The following TMPRSS9 variants were observed in gnomAD, a reference collection of about 807,000 sequenced individuals.
TMPRSS9 encodes transmembrane protease serine 9.
A neutral mutation model predicts 111.4 loss-of-function variants in TMPRSS9; 113 were observed. That is an observed-to-expected ratio of 1.01 (90% CI 0.87 to 1.19). The LOEUF is 1.19. TMPRSS9 is among the 50% of genes most tolerant of loss of function. TMPRSS9 has a pLI of 0.00. For missense variants in TMPRSS9, 1,803 were observed against 1,513.1 expected, an observed-to-expected ratio of 1.19 and a Z score of -3.18; for synonymous variants, 805 against 659.1, an observed-to-expected ratio of 1.22 and a Z score of -3.39.
intron 1 of TMPRSS9, among the ~76,000 whole-genome samples, chr19:2,363,597 G>A (rs748892265): frequency 6.6e-5 from 10 of 151,776 alleles, no homozygotes; most frequent in Admixed American, 1.3e-4. Flanking sequence ...GGGTGATGGA[G>A]CTGGTGCTTG....
chr19:2,392,055 A>G (rs1178203783), intron 1 of TMPRSS9, among the ~76,000 whole-genome samples: 1 of 152,038 alleles, frequency 6.6e-6, no homozygotes, highest in East Asian at 1.9e-4. Flanking sequence ...AAGTCTTTCA[A>G]GAAGCACTTA....
chr19:2,398,511 G>C (rs552972103), intron 2 of TMPRSS9, among the ~76,000 whole-genome samples: 2 of 151,942 alleles, frequency 1.3e-5, no homozygotes, highest in Non-Finnish European at 2.9e-5. Context: ...CCAGCTTCTT[G>C]GGAGGCTGAG....
At chr19:2,408,071 C>T (rs1162073620) in intron 7 of TMPRSS9, among the ~76,000 whole-genome samples, 7 of 150,838 alleles carry the variant, frequency 4.6e-5, no homozygotes, top group Admixed American at 2.6e-4. Context: ...CATGAGCCAC[C>T]GCACCTGGCC....
chr19:2,384,713 G>A (rs897849151), intron 1 of TMPRSS9, among the ~76,000 whole-genome samples: 4 of 151,764 alleles, frequency 2.6e-5, no homozygotes, highest in African/African-American at 9.7e-5. Flanking sequence ...TACTCAGGAG[G>A]CGGAGTCAGG....
intron 13 of TMPRSS9, 126 bp downstream of exon 14, chr19:2,418,264 T>TG (rs1568189070): frequency 3.9e-4 from 378 of 965,418 alleles, no homozygotes; most frequent in Non-Finnish European, 4.8e-4. Context: ...CCTTCCCTCC[T>TG]TGTCCTTCCC....
intron 1 of TMPRSS9, among the ~76,000 whole-genome samples, chr19:2,379,027 T>C (rs1168484287): frequency 1.3e-5 from 2 of 151,964 alleles, no homozygotes; most frequent in African/African-American, 4.8e-5. Flanking sequence ...AGAACTACAA[T>C]TGAAGATGAG....
At chr19:2,391,053 G>GGC (rs1970579951) in intron 1 of TMPRSS9, among the ~76,000 whole-genome samples, 1 of 128,306 alleles carries the variant, frequency 7.8e-6, no homozygotes, top group Non-Finnish European at 1.6e-5. Flanking sequence ...GGGAGGGAGG[G>GGC]AGGCAGGCAG....
intron 8 of TMPRSS9, among the ~76,000 whole-genome samples, chr19:2,409,173 T>C (rs1445202436): frequency 6.8e-6 from 1 of 146,724 alleles, no homozygotes; most frequent in African/African-American, 2.5e-5. Flanking sequence ...GGAGTTTTGC[T>C]CTTGTTGCCC....
In TMPRSS9 at chr19:2,420,976, G is replaced by A. The variant is rs35799291; in HGVS notation, c.2155-878G>A. 3.7e-3 allele frequency among the ~76,000 whole-genome samples: 569 copies of A among 152,206 alleles called. 2 individuals carry two copies. Among genetic ancestry groups the A allele is most frequent in the Admixed American group, 9.2e-3 (141 of 15,280 alleles). On this transcript the variant is annotated intron_variant, in intron 13 of 17. Coordinates refer to ENST00000648592, the Ensembl canonical transcript of TMPRSS9. ...TCCCAGCACTTTAGGAGGCCAAGGC[G>A]GGTGGATCATCTGAGGTCAGGAGTT...
intron 1 of TMPRSS9, among the ~76,000 whole-genome samples, chr19:2,382,823 A>C (rs1970403046): frequency 6.6e-6 from 1 of 152,146 alleles, no homozygotes; most frequent in Non-Finnish European, 1.5e-5. Context: ...ACACACACAC[A>C]GATTGAGATT....
chr19:2,374,527 T>A (rs1970315281), intron 1 of TMPRSS9, among the ~76,000 whole-genome samples: 1 of 151,786 alleles, frequency 6.6e-6, no homozygotes, highest in Non-Finnish European at 1.5e-5. Flanking sequence ...TGAGCCGAGA[T>A]CGCGCCACTG....
chr19:2,402,925 G>A (rs1490148054), intron 5 of TMPRSS9, among the ~76,000 whole-genome samples, 157 bp from the exon 7 acceptor site: 1 of 152,052 alleles, frequency 6.6e-6, no homozygotes, highest in Non-Finnish European at 1.5e-5. Context: ...GCTAGACCCT[G>A]TCTCAAAAAC....
chr19:2,410,462 C>T (rs1487931510), intron 9 of TMPRSS9, 68 bp downstream of exon 10: 42 of 1,575,230 alleles, frequency 2.7e-5, no homozygotes, highest in Non-Finnish European at 3.4e-5. Context: ...AAATGCTGAG[C>T]AATTCACAGA....
intron 13 of TMPRSS9, among the ~76,000 whole-genome samples, chr19:2,421,154 C>T (rs911867806): frequency 6.6e-6 from 1 of 151,608 alleles, no homozygotes; most frequent in African/African-American, 2.4e-5. Context: ...TGCAGTGAGC[C>T]GAGATCATCC....
chr19:2,385,790 G>A (rs1039046904), upstream of TMPRSS9, among the ~76,000 whole-genome samples: 31 of 152,128 alleles, frequency 2.0e-4, no homozygotes, highest in African/African-American at 7.0e-4. Context: ...GGTAGAGGCT[G>A]CAGTGAGCTA....
At chr19:2,390,238 T>G (rs1970557811) in intron 1 of TMPRSS9, among the ~76,000 whole-genome samples, 2 of 130,668 alleles carry the variant, frequency 1.5e-5, no homozygotes, top group South Asian at 5.1e-4. Context: ...GTAGTTTTTT[T>G]TTTTGTTTTT....
At chr19:2,409,599 G>T in intron 8 of TMPRSS9, among the ~76,000 whole-genome samples, 1 of 152,098 alleles carries the variant, frequency 6.6e-6, no homozygotes, top group East Asian at 1.9e-4. Flanking sequence ...AGGTGGGGGT[G>T]GCAGCTGCAG....
At chr19:2,418,195 C>G (rs1035144922) in intron 13 of TMPRSS9, 57 bp downstream of exon 14, 4 of 1,602,790 alleles carry the variant, frequency 2.5e-6, no homozygotes, top group Non-Finnish European at 3.4e-6. Context: ...CACAGCCGTT[C>G]ACCCAGCAGT....
At chr19:2,402,598 C>T (rs776879942) in intron 5 of TMPRSS9, among the ~76,000 whole-genome samples, 22 of 151,732 alleles carry the variant, frequency 1.4e-4, no homozygotes, top group African/African-American at 4.1e-4. Context: ...ATTAGCCAGG[C>T]GTGGTGGGGC....
Sources: gnomAD v4.1 joint callset for allele counts (sites outside exome capture counted in the v4.1 genomes callset) on GRCh38, gnomAD v4.1.1 for gene constraint, MANE v1.5 for transcripts, NCBI Gene and HGNC (gene_info 2026-07-23, HGNC 2026-07-21) for gene names.